The following PHF20L1 variants were observed in gnomAD, a reference collection of about 807,000 sequenced individuals.
The protein encoded by PHF20L1 is PHD finger protein 20-like protein 1.
Under a neutral mutation model 125.5 loss-of-function variants are expected in PHF20L1, and 44 were observed. The observed-to-expected ratio is 0.35, with a 90% CI of 0.28 to 0.45. PHF20L1 has a LOEUF of 0.45. Ranked by LOEUF, PHF20L1 falls within the 20% of genes least tolerant of loss-of-function variation. PHF20L1 has a pLI of 1.00. For synonymous variants in PHF20L1, 380 were observed against 403.1 expected, an observed-to-expected ratio of 0.94 and a Z score of 0.69; for missense variants, 1,012 against 1,217.2, an observed-to-expected ratio of 0.83 and a Z score of 2.51.
At chr8:132,845,606 T>C (rs545278261) in intron 20 of PHF20L1, among the ~76,000 whole-genome samples, 175 bp from the exon 21 acceptor site, 1 of 152,128 alleles carries the variant, frequency 6.6e-6, no homozygotes, top group African/African-American at 2.4e-5. Flanking sequence ...ACTAGAACTC[T>C]GTGGGGTGGG....
chr8:132,836,343 C>G, intron 15 of PHF20L1, 197 bp from the exon 16 acceptor site: 1 of 477,402 alleles, frequency 2.1e-6, no homozygotes, highest in Non-Finnish European at 3.7e-6. Context: ...AGATATAAAG[C>G]AGTCATAATT....
Position 132,837,759 on chromosome 8 carries a change from G to A in PHF20L1, c.2139G>A (p.Leu713=), listed in dbSNP as rs1297350617. The A allele has an allele frequency of 6.2e-7, 1 of 1,613,154 alleles. No individual in the cohort carries two copies. Among genetic ancestry groups the A allele is most frequent in the African/African-American group, 1.3e-5 (1 of 74,962 alleles). The change falls in exon 17 of 21, where the codon CTG becomes CTA. Residue 713 remains leucine, a synonymous_variant. Coordinates refer to ENST00000395386, the MANE Select transcript of PHF20L1 (RefSeq NM_016018.5). ...AACACAGCGTGTGCATGGGGCTGCT[G>A]GAGGAGAGCATTCCAGAGCAGTACA... ...CWQHSVCMGL[L]EESIPEQYIC...
chr8:132,785,484 A>G (rs181978650), intron 2 of PHF20L1, among the ~76,000 whole-genome samples: 1 of 152,212 alleles, frequency 6.6e-6, no homozygotes, highest in Admixed American at 6.5e-5. Flanking sequence ...TTTGAATATC[A>G]GTAGTACAAT....
Position 132,817,552 on chromosome 8 carries a change from G to GA in PHF20L1, c.1579+15dup, listed in dbSNP as rs745627474. ...GGAGCTCCAGCAGCAGCAGGTAAAA[G>GA]AAAAAAAATAAAGGCTCCTATAAGT... is the stretch of plus-strand genomic sequence containing the variant. On this transcript the variant is annotated splice_region_variant and intron_variant, in intron 12 of 20. Coordinates refer to ENST00000395386, the MANE Select transcript of PHF20L1 (RefSeq NM_016018.5). The GA allele has an allele frequency of 5.6e-5, 89 of 1,593,282 alleles. No homozygotes were observed. The highest frequency in any genetic ancestry group is 9.5e-5 in the African/African-American group (7 of 73,400).
intron 2 of PHF20L1, among the ~76,000 whole-genome samples, chr8:132,787,660 A>C (rs566153771): frequency 6.6e-6 from 1 of 152,300 alleles, no homozygotes; most frequent in Admixed American, 6.5e-5. Context: ...GTATGAAGCA[A>C]ATGAACATGC....
At chr8:132,807,888 G>T (rs1395547466) in intron 8 of PHF20L1, 2 of 370,788 alleles carry the variant, frequency 5.4e-6, no homozygotes, top group South Asian at 2.1e-5. Context: ...TCCCATAGGG[G>T]TATTCTTCTA....
At chr8:132,823,611 C>T (rs943737556) in intron 12 of PHF20L1, among the ~76,000 whole-genome samples, 3 of 151,858 alleles carry the variant, frequency 2.0e-5, no homozygotes, top group African/African-American at 7.2e-5. Flanking sequence ...TACGTATTTA[C>T]CAGTCTTTGG....
At chr8:132,821,877 AATTACT>A (rs1835642775) in intron 12 of PHF20L1, among the ~76,000 whole-genome samples, 1 of 151,896 alleles carries the variant, frequency 6.6e-6, no homozygotes, top group African/African-American at 2.4e-5. Context: ...TTAGTTTAAA[AATTACT>A]ATTCTACAAA....
intron 16 of PHF20L1, 101 bp downstream of exon 16, chr8:132,836,822 A>T: frequency 1.2e-6 from 1 of 826,096 alleles, no homozygotes; most frequent in Admixed American, 2.4e-5. Flanking sequence ...ACTACTGAAG[A>T]TAGTGGTTTC....
chr8:132,812,984 A>T, intron 9 of PHF20L1: 6 of 940,542 alleles, frequency 6.4e-6, no homozygotes, highest in Non-Finnish European at 7.6e-6. Context: ...TGTTATATTT[A>T]CTTTTGGATA....
At chr8:132,827,239 A>T (rs530215594) in intron 14 of PHF20L1, among the ~76,000 whole-genome samples, 1 of 151,996 alleles carries the variant, frequency 6.6e-6, no homozygotes, top group Admixed American at 6.6e-5. Flanking sequence ...GGAGTTTGGT[A>T]AACAAAAACT....
At chr8:132,810,791 AGT>A (rs1834300690) in intron 8 of PHF20L1, 2 of 403,374 alleles carry the variant, frequency 5.0e-6, no homozygotes, top group Non-Finnish European at 9.3e-6. Context: ...TGTGTGTGCA[AGT>A]GTGTGTTTTC....
intron 8 of PHF20L1, chr8:132,808,548 A>G (rs1833994578): frequency 6.6e-6 from 1 of 152,094 alleles, no homozygotes; most frequent in African/African-American, 2.4e-5. Context: ...CCTTAGAAAT[A>G]TAACTCTACT....
At chr8:132,777,760 C>T in intron 1 of PHF20L1, 32 bp from the exon 2 acceptor site, 2 of 958,000 alleles carry the variant, frequency 2.1e-6, no homozygotes, top group South Asian at 2.6e-5. Context: ...GCATTTTCTG[C>T]ATTGGAATCT....
At chr8:132,784,715 A>G (rs908535198) in intron 2 of PHF20L1, among the ~76,000 whole-genome samples, 1 of 152,234 alleles carries the variant, frequency 6.6e-6, no homozygotes, top group African/African-American at 2.4e-5. Context: ...TTTGGCTCCC[A>G]ATATAGTGAT....
At chr8:132,791,504 C>T (rs1469262) in intron 2 of PHF20L1, among the ~76,000 whole-genome samples, 13,768 of 152,106 alleles carry the variant, frequency 0.091, 905 homozygotes, top group Non-Finnish European at 0.14. Context: ...CCACCCACCT[C>T]GGCCTCCCAA....
At chr8:132,806,387 C>G (rs566092184) in intron 8 of PHF20L1, 1 of 152,104 alleles carries the variant, frequency 6.6e-6, no homozygotes, top group African/African-American at 2.4e-5. Context: ...GTTTGTAATA[C>G]TGGTTGCTTA....
chr8:132,843,608 TG>T, intron 19 of PHF20L1: 2 of 805,786 alleles, frequency 2.5e-6, no homozygotes, highest in Non-Finnish European at 2.9e-6. Flanking sequence ...ACGCACATTG[TG>T]TGTGTGTGTG....
chr8:132,824,619 A>G (rs1012897683), intron 13 of PHF20L1: 22 of 161,918 alleles, frequency 1.4e-4, no homozygotes, highest in Non-Finnish European at 2.9e-4. Flanking sequence ...CTAGTAGGAT[A>G]TGTGTGATGA....
Sources: allele counts gnomAD v4.1 joint callset (sites outside exome capture counted in the v4.1 genomes callset), GRCh38; gene constraint gnomAD v4.1.1; transcripts MANE v1.5; gene names NCBI Gene and HGNC (gene_info 2026-07-23, HGNC 2026-07-21).